The following GABRB1 variants were observed in gnomAD, a reference collection of about 807,000 sequenced individuals.
GABRB1 encodes the protein gamma-aminobutyric acid type A receptor subunit beta1, also known as gamma-aminobutyric acid receptor subunit beta-1.
In GABRB1, 17 loss-of-function variants were observed where a neutral mutation model predicts 51.6. The observed-to-expected ratio is 0.33, with a 90% confidence interval of 0.23 to 0.49. The LOEUF (loss-of-function observed/expected upper bound fraction) is 0.49, where lower values mean the gene tolerates loss of function less well. Among genes scored for constraint, GABRB1 ranks in the 20% least tolerant of loss-of-function variants. The probability of loss-of-function intolerance (pLI) is 0.99; values close to 1 mark genes in which losing one functional copy is unlikely to be tolerated. For missense variants in GABRB1, 410 were observed against 600.6 expected (o/e 0.68, Z 3.32); for synonymous variants, 247 against 218.9 (o/e 1.13, Z -1.14).
intron 5 of GABRB1, among the ~76,000 whole-genome samples, chr4:47,387,490 A>T (rs368796740): frequency 1.5e-4 from 23 of 152,308 alleles, no homozygotes; most frequent in African/African-American, 5.3e-4. Context: ...AAAACTCAAT[A>T]GGCTAAAATA....
rs559096382 is a variant in GABRB1, at chr4:47,108,964, T to A, written c.241-52285T>A. On this transcript the variant is annotated intron_variant, in intron 3 of 8. Transcript: ENST00000295454. ...AGAAAGTTTGCTTCCCGAGGTGAAG[T>A]GAGTGAGAGAATTACTTATTACTTT... is the stretch of plus-strand genomic sequence containing the variant. 4.6e-5 allele frequency among the ~76,000 whole-genome samples: 7 copies of A among 152,074 alleles called. No homozygotes were observed. In the East Asian group the frequency reaches 1.3e-3, roughly 29 times the overall value.
intron 4 of GABRB1, among the ~76,000 whole-genome samples, chr4:47,217,475 T>A (rs1338532459): frequency 2.0e-5 from 3 of 151,756 alleles, no homozygotes; most frequent in African/African-American, 7.2e-5. Flanking sequence ...AGAAAAAGAT[T>A]CACCCATGAA....
At chr4:47,020,688 A>G (rs1171053993) in intron 1 of GABRB1, among the ~76,000 whole-genome samples, 1 of 151,926 alleles carries the variant, frequency 6.6e-6, no homozygotes, top group Non-Finnish European at 1.5e-5. Flanking sequence ...ACTTTTCATC[A>G]CCTCTACTAC....
intron 4 of GABRB1, among the ~76,000 whole-genome samples, chr4:47,307,999 G>T (rs1313877990): frequency 2.0e-5 from 3 of 151,784 alleles, no homozygotes; most frequent in African/African-American, 7.3e-5. Context: ...AAGCATTTTT[G>T]ACATACACAT....
At position 47,293,458 on chromosome 4, in the gene GABRB1, T is replaced by G. The variant is rs147540486; in HGVS notation, c.462-26669T>G. On this transcript the variant is annotated intron_variant, in intron 4 of 8. Coordinates refer to ENST00000295454, the MANE Select transcript of GABRB1 (RefSeq NM_000812.4). ...CTGGCCCTAAGCACATTTTCTTACT[T>G]AACAACTTCTCATGTGCAATCCTTA... Among the ~76,000 whole-genome samples, 979 of 152,244 alleles carry G rather than the reference T, an allele frequency of 6.4e-3. 9 individuals are homozygous for G. The highest frequency in any genetic ancestry group is 0.022 in the African/African-American group (904 of 41,542).
At chr4:47,113,541 A>G (rs1433107091) in intron 3 of GABRB1, among the ~76,000 whole-genome samples, 1 of 152,232 alleles carries the variant, frequency 6.6e-6, no homozygotes, top group East Asian at 1.9e-4. Flanking sequence ...TATAAAATTA[A>G]TCAAAAGAAA....
chr4:47,247,885 C>A (rs942894757), intron 4 of GABRB1, among the ~76,000 whole-genome samples: 3 of 151,854 alleles, frequency 2.0e-5, no homozygotes, highest in African/African-American at 4.8e-5. Context: ...TTGCTGAATT[C>A]TTTTATCAGT....
chr4:47,004,504 A>G (rs938362825), intron 1 of GABRB1, among the ~76,000 whole-genome samples: 39 of 152,322 alleles, frequency 2.6e-4, no homozygotes, highest in Middle Eastern at 3.4e-3. Flanking sequence ...TAATACAGGC[A>G]TGCAATGCAT....
chr4:47,379,335 C>T (rs1727511320), intron 5 of GABRB1, among the ~76,000 whole-genome samples: 1 of 152,108 alleles, frequency 6.6e-6, no homozygotes. Flanking sequence ...AGAAACCATA[C>T]TTTGAGTACC....
chr4:47,064,564 G>C (rs1726984500), intron 3 of GABRB1, among the ~76,000 whole-genome samples: 2 of 150,628 alleles, frequency 1.3e-5, no homozygotes, highest in Admixed American at 6.6e-5. Flanking sequence ...CTTGAACCAG[G>C]GAGGAGGAGG....
At chr4:47,045,326 C>A (rs1459678105) in intron 3 of GABRB1, among the ~76,000 whole-genome samples, 4 of 152,024 alleles carry the variant, frequency 2.6e-5, no homozygotes, top group Non-Finnish European at 5.9e-5. Context: ...ATATTTTCTT[C>A]TTAGGTTATC....
intron 4 of GABRB1, among the ~76,000 whole-genome samples, chr4:47,313,814 T>G (rs1724791545): frequency 6.6e-6 from 1 of 152,096 alleles, no homozygotes; most frequent in African/African-American, 2.4e-5. Context: ...AATTCCTCCC[T>G]TCTCAGAGAG....
At chr4:47,133,126 C>A (rs1577938013) in intron 3 of GABRB1, among the ~76,000 whole-genome samples, 1 of 152,096 alleles carries the variant, frequency 6.6e-6, no homozygotes, top group Non-Finnish European at 1.5e-5. Context: ...AAGAAAGTAA[C>A]CTTTACAAAA....
chr4:47,033,739 A>T (rs1725435667), intron 3 of GABRB1, among the ~76,000 whole-genome samples: 1 of 152,214 alleles, frequency 6.6e-6, no homozygotes, highest in African/African-American at 2.4e-5. Context: ...GAATAGAATA[A>T]AAAGTGTGAC....
At chr4:47,316,779 G>T (rs1377092564) in intron 4 of GABRB1, among the ~76,000 whole-genome samples, 1 of 151,748 alleles carries the variant, frequency 6.6e-6, no homozygotes, top group Non-Finnish European at 1.5e-5. Context: ...CCCAATTCAG[G>T]GTAGCCTTTG....
intron 8 of GABRB1, among the ~76,000 whole-genome samples, chr4:47,414,790 T>C (rs777982385): frequency 6.6e-6 from 1 of 152,218 alleles, no homozygotes; most frequent in South Asian, 2.1e-4. Flanking sequence ...GTATTGTGGT[T>C]AATTCCAGGA....
intron 4 of GABRB1, among the ~76,000 whole-genome samples, chr4:47,257,794 T>C (rs1722273948): frequency 6.6e-6 from 1 of 151,892 alleles, no homozygotes; most frequent in African/African-American, 2.4e-5. Flanking sequence ...TAAGTGACCA[T>C]ATATGACACT....
intron 3 of GABRB1, among the ~76,000 whole-genome samples, chr4:47,115,269 C>T (rs1472978480): frequency 1.3e-5 from 2 of 152,118 alleles, no homozygotes. Context: ...ATATTTTGAA[C>T]ATTTGCTCTC....
At chr4:47,088,845 A>G (rs961670673) in intron 3 of GABRB1, among the ~76,000 whole-genome samples, 1 of 152,184 alleles carries the variant, frequency 6.6e-6, no homozygotes, top group African/African-American at 2.4e-5. Context: ...AACCTTTACA[A>G]GGCGCACCTT....
Sources: allele counts gnomAD v4.1 joint callset (sites outside exome capture counted in the v4.1 genomes callset), GRCh38; gene constraint gnomAD v4.1.1; transcripts MANE v1.5; gene names NCBI Gene and HGNC (gene_info 2026-07-23, HGNC 2026-07-21).